Variants in IGSF9B observed in about 807,000 individuals in gnomAD.
The protein encoded by IGSF9B is protein turtle homolog B.
IGSF9B carries 48 observed loss-of-function variants against 143.7 expected under a neutral mutation model. The observed-to-expected ratio is 0.33, with a 90% CI of 0.26 to 0.42. The LOEUF (loss-of-function observed/expected upper bound fraction) is 0.42, where lower values mean the gene tolerates loss of function less well. IGSF9B is among the 20% of genes least tolerant of loss of function. The probability of loss-of-function intolerance (pLI) is 1.00; values close to 1 mark genes in which losing one functional copy is unlikely to be tolerated. For missense variants in IGSF9B, 1,706 were observed against 1,980.0 expected, an observed-to-expected ratio of 0.86 and a Z score of 2.63; for synonymous variants, 903 against 833.1, an observed-to-expected ratio of 1.08 and a Z score of -1.44.
chr11:133,920,582 C>T lies in IGSF9B; in HGVS notation c.3143G>A (p.Gly1048Glu). The change falls in exon 18 of 20, where the codon GGG (glycine) becomes GAG (glutamate). Residue 1048 changes from glycine (G) to glutamate (E), a missense_variant. Transcript: ENST00000533871. ...EPWGRPEFPF[G>E]GLETPAMMFP... is the part of the protein sequence containing the mutation. ...CATCATCGCTGGGGTCTCCAGCCCC[C>T]CGAAGGGGAATTCTGGCCGGCCCCA... 10 of 1,613,432 alleles carry T rather than the reference C, an allele frequency of 6.2e-6. No individual in the cohort carries two copies. The highest frequency in any genetic ancestry group is 5.5e-5 in the South Asian group (5 of 91,076).
At chr11:133,937,587 G>A (rs1245582873) in intron 4 of IGSF9B, 94 bp from the exon 5 acceptor site, 5 of 1,118,820 alleles carry the variant, frequency 4.5e-6, no homozygotes, top group Middle Eastern at 4.0e-4. Flanking sequence ...CACTAAGGTG[G>A]AGATGACCAC....
intron 15 of IGSF9B, among the ~76,000 whole-genome samples, chr11:133,923,685 T>C (rs906973769): frequency 6.6e-6 from 1 of 152,208 alleles, no homozygotes; most frequent in Admixed American, 6.5e-5. Flanking sequence ...GAGGGGAAAA[T>C]GAAAGCTACA....
intron 13 of IGSF9B, 43 bp from the exon 14 acceptor site, chr11:133,926,008 C>A: frequency 7.1e-7 from 1 of 1,410,254 alleles, no homozygotes; most frequent in Non-Finnish European, 9.8e-7. Flanking sequence ...ATCAGCGAGG[C>A]CCAGGGCAGC....
chr11:133,956,603 G>C, intron 1 of IGSF9B, 88 bp downstream of exon 1: 1 of 888,596 alleles, frequency 1.1e-6, no homozygotes, highest in Non-Finnish European at 1.7e-6. Context: ...GGAACCGGGG[G>C]GCCAAGGAGC....
intron 18 of IGSF9B, among the ~76,000 whole-genome samples, chr11:133,917,188 G>A (rs908534928): frequency 2.6e-5 from 4 of 152,294 alleles, no homozygotes; most frequent in African/African-American, 7.2e-5. Context: ...GCAGGTGCCC[G>A]ATGCCTGTGT....
At chr11:133,929,839 G>T in intron 11 of IGSF9B, 57 bp from the exon 12 acceptor site, 1 of 1,189,892 alleles carries the variant, frequency 8.4e-7, no homozygotes, top group Non-Finnish European at 1.2e-6. Context: ...GTGGCTGGGT[G>T]CCCACCGTCT....
chr11:133,934,357 T>C (rs1450190640), intron 7 of IGSF9B, among the ~76,000 whole-genome samples: 2 of 152,114 alleles, frequency 1.3e-5, no homozygotes, highest in African/African-American at 4.8e-5. Context: ...GGGCGCACCT[T>C]TGTGGTGGAC....
At chr11:133,930,385 CTTGGAA>C (rs1939700541) in intron 11 of IGSF9B, among the ~76,000 whole-genome samples, 1 of 152,316 alleles carries the variant, frequency 6.6e-6, no homozygotes, top group South Asian at 2.1e-4. Flanking sequence ...GTGCAGACCA[CTTGGAA>C]CAGAACCTAA....
At chr11:133,929,811 T>C in intron 11 of IGSF9B, 29 bp from the exon 12 acceptor site, 1 of 1,497,316 alleles carries the variant, frequency 6.7e-7, no homozygotes, top group Non-Finnish European at 9.3e-7. Context: ...CCTCTCAGAC[T>C]GAAAAGAACT....
rs145670824 is a variant in IGSF9B, at chr11:133,897,374, ACACACG to A, written c.*11689_*11694del. 11,940 of 152,304 alleles carry A rather than the reference ACACACG, an allele frequency of 0.078. 603 individuals are homozygous for A. Among genetic ancestry groups the A allele is most frequent in the Non-Finnish European group, 0.11 (7,676 of 68,058 alleles). 9.4% of individuals were successfully genotyped at this position (152,304 alleles called of 1,614,324 possible). ...CTTGCGTGCACACACGCACACGCAC[ACACACG>A]CACAGGTATGCACACATATATATGC... On this transcript the variant is annotated 3_prime_UTR_variant, in exon 20 of 20. Transcript: ENST00000533871.
chr11:133,952,672 A>C (rs1940182521), intron 1 of IGSF9B, among the ~76,000 whole-genome samples: 1 of 152,036 alleles, frequency 6.6e-6, no homozygotes, highest in Non-Finnish European at 1.5e-5. Flanking sequence ...GTGTGCACAC[A>C]TATGCAATGC....
At position 133,945,344 on chromosome 11, in the gene IGSF9B, A is replaced by G. The variant is rs1163298314; in HGVS notation, c.262+717T>C. ...GGAGCGAAAGAGGGACAGAGACGGA[A>G]GCATTCTGAGAAAGGCAGGGCAGAC... is the stretch of plus-strand genomic sequence containing the variant. On this transcript the variant is annotated intron_variant, in intron 2 of 19. Transcript: ENST00000533871. This position sits in a 1 kb window ranked among gnomAD's most constrained non-coding sequence, Gnocchi z 4.6. Among the ~76,000 whole-genome samples, 1 of 152,254 alleles carries G rather than the reference A, an allele frequency of 6.6e-6. No homozygotes were observed. Among genetic ancestry groups the G allele is most frequent in the Non-Finnish European group, 1.5e-5 (1 of 68,052 alleles).
In IGSF9B at chr11:133,921,246, T is replaced by G; in HGVS notation, c.2479A>C (p.Ile827Leu). The G allele has an allele frequency of 6.2e-7, 1 of 1,610,954 alleles. No individual in the cohort carries two copies. Among genetic ancestry groups the G allele is most frequent in the South Asian group, 1.1e-5 (1 of 91,020 alleles). The change falls in exon 18 of 20, where the codon ATC becomes CTC. Residue 827 changes from isoleucine (I) to leucine (L), a missense_variant. Transcript: ENST00000533871. ...GCCACGCTGTACTTCTTGCTGCTGA[T>G]GGCCCGCTTGGTCTTCTTGTACAGC... is the stretch of plus-strand genomic sequence containing the variant. ...LSLYKKTKRAISSKKYSVAKA... is the reference protein window; with the variant it reads ...LSLYKKTKRALSSKKYSVAKA...
chr11:133,935,596 C>A (rs749924944), intron 7 of IGSF9B, 21 bp downstream of exon 7: 66 of 1,592,622 alleles, frequency 4.1e-5, no homozygotes, highest in Middle Eastern at 3.7e-4. Flanking sequence ...ACCACCCAGG[C>A]TCCCCTGCAC....
In IGSF9B at chr11:133,897,925, AAAAG is replaced by A. The variant is rs1427411105; in HGVS notation, c.*11140_*11143del. The A allele has an allele frequency of 2.0e-5, 3 of 152,100 alleles. No homozygotes were observed. Among genetic ancestry groups the A allele is most frequent in the Non-Finnish European group, 4.4e-5 (3 of 68,050 alleles). 9.4% of individuals were successfully genotyped at this position (152,100 alleles called of 1,614,324 possible). A position where few individuals can be genotyped will look rare whatever the true frequency, so the allele number is the denominator to read the frequency against. ...TTAACCAGTCCATACATACATACAG[AAAAG>A]AAAGAGAGAGAGAGGGAGAACACAA... On this transcript the variant is annotated 3_prime_UTR_variant, in exon 20 of 20. Coordinates refer to ENST00000533871, the MANE Select transcript of IGSF9B (RefSeq NM_001277285.4).
chr11:133,931,832 CAG>C lies in IGSF9B; in HGVS notation c.1111-39_1111-38del. ...AGACGATAGGGCAGGGAACGCTGGT[CAG>C]AGACTCCGCGCTCCATCCCAGGCTG... On this transcript the variant is annotated intron_variant, in intron 8 of 19. Coordinates refer to ENST00000533871, the MANE Select transcript of IGSF9B (RefSeq NM_001277285.4). This position sits in a 1 kb window ranked among gnomAD's most constrained non-coding sequence, Gnocchi z 7.7. The C allele has an allele frequency of 2.5e-6, 4 of 1,606,466 alleles. No homozygotes were observed. Among genetic ancestry groups the C allele is most frequent in the Non-Finnish European group, 3.4e-6 (4 of 1,177,560 alleles).
rs778869307 is a variant in IGSF9B, at chr11:133,905,956, G to A, written c.*3113C>T. Among the ~76,000 whole-genome samples, 4 of 152,190 alleles carry A rather than the reference G, an allele frequency of 2.6e-5. No individual in the cohort carries two copies. The highest frequency in any genetic ancestry group is 5.9e-5 in the Non-Finnish European group (4 of 68,038). On this transcript the variant is annotated 3_prime_UTR_variant, in exon 20 of 20. Transcript: ENST00000533871. This position sits in a 1 kb window ranked among gnomAD's most constrained non-coding sequence, Gnocchi z 4.0. ...CTAAGAACCGTTTTCCCCTCTTCCT[G>A]GTCTGTGGGTCACCTGACACTACAA...
In IGSF9B at chr11:133,911,912, C is replaced by G; in HGVS notation, c.4079G>C (p.Gly1360Ala). The change falls in exon 19 of 20, where the codon GGC becomes GCC. Residue 1360 changes from glycine to alanine, a missense_variant. Coordinates refer to ENST00000533871, the MANE Select transcript of IGSF9B (RefSeq NM_001277285.4). ...GGATCGTTTCTTTGACTTCGAAGAG[C>G]CCTTGGATGACTTTTTGGGCTTCTT... ...RIKKPKKSSK[G>A]SSKSKKRSDD... 1 of 1,534,332 alleles carries G rather than the reference C, an allele frequency of 6.5e-7. No individual in the cohort carries two copies. Among genetic ancestry groups the G allele is most frequent in the Non-Finnish European group, 8.7e-7 (1 of 1,146,296 alleles).
chr11:133,920,104 G>A lies in IGSF9B; in HGVS notation c.3621C>T (p.Ser1207=), dbSNP rs775107940. Reference sequence around the variant, plus strand: ...GGGAGCCGGTGCGGGAGCTGAGGGGGCTTTGGGTCAGAGGTGAGAGCCGGG... The same window carrying A: ...GGGAGCCGGTGCGGGAGCTGAGGGGACTTTGGGTCAGAGGTGAGAGCCGGG... ...QPSRLSPLTQ[S]PLSSRTGSPE... is the part of the protein sequence containing the mutation. The change falls in exon 18 of 20, where the codon AGC becomes AGT. Residue 1207 remains serine, a synonymous_variant. Coordinates refer to ENST00000533871, the MANE Select transcript of IGSF9B (RefSeq NM_001277285.4). The A allele has an allele frequency of 6.1e-5, 92 of 1,519,688 alleles. No individual in the cohort carries two copies. Among genetic ancestry groups the A allele is most frequent in the Middle Eastern group, 1.8e-4 (1 of 5,612 alleles). 94.1% of individuals were successfully genotyped at this position (1,519,688 alleles called of 1,614,324 possible). A position where few individuals can be genotyped will look rare whatever the true frequency, so the allele number is the denominator to read the frequency against.
Sources: gnomAD v4.1 joint callset for allele counts (sites outside exome capture counted in the v4.1 genomes callset) on GRCh38, gnomAD v4.1.1 for gene constraint, Gnocchi (gnomAD v3.1) non-coding constraint, MANE v1.5 for transcripts, NCBI Gene and HGNC (gene_info 2026-07-23, HGNC 2026-07-21) for gene names.